EEFSEC: variants seen among roughly 807,000 people sequenced by gnomAD.
The protein encoded by EEFSEC is selenocysteine-specific elongation factor.
Under a neutral mutation model 42.1 loss-of-function variants are expected in EEFSEC, and 43 were observed. The ratio of observed to expected loss-of-function variants is 1.02; its 90% CI spans 0.80 to 1.32. EEFSEC has a LOEUF of 1.32. Among genes scored for constraint, EEFSEC ranks in the 40% most tolerant of loss-of-function variants. EEFSEC has a pLI of 0.00. For synonymous variants in EEFSEC, 354 were observed against 339.1 expected (o/e 1.04, Z -0.48); for missense variants, 745 against 803.6 (o/e 0.93, Z 0.88).
At chr3:128,378,444 C>T (rs1303946086) in intron 6 of EEFSEC, among the ~76,000 whole-genome samples, 1 of 152,134 alleles carries the variant, frequency 6.6e-6, no homozygotes, top group Admixed American at 6.5e-5. Context: ...CCGCCTGGGA[C>T]AGGAATCATG....
chr3:128,311,586 C>T (rs1225065434), intron 4 of EEFSEC, among the ~76,000 whole-genome samples: 4 of 152,220 alleles, frequency 2.6e-5, no homozygotes, highest in Non-Finnish European at 4.4e-5. Context: ...GCTTCAGGCC[C>T]ACGGAGCTAG....
intron 6 of EEFSEC, among the ~76,000 whole-genome samples, chr3:128,407,786 G>A (rs2068136142): frequency 6.6e-6 from 1 of 152,196 alleles, no homozygotes; most frequent in Admixed American, 6.5e-5. Context: ...CTTGGCATGA[G>A]TGCACTGGAA....
chr3:128,167,372 A>C (rs1016994645), intron 1 of EEFSEC, among the ~76,000 whole-genome samples: 6 of 152,200 alleles, frequency 3.9e-5, no homozygotes, highest in Non-Finnish European at 8.8e-5. Context: ...TATTTGGTGC[A>C]TGCATATCGG....
chr3:128,362,992 T>G (rs1355550297), intron 6 of EEFSEC, among the ~76,000 whole-genome samples: 4 of 152,182 alleles, frequency 2.6e-5, no homozygotes. Context: ...GAAAAAAAAT[T>G]TGTAGAACCA....
intron 4 of EEFSEC, among the ~76,000 whole-genome samples, chr3:128,306,426 AG>A (rs1260162927): frequency 6.6e-6 from 1 of 152,204 alleles, no homozygotes; most frequent in East Asian, 1.9e-4. Flanking sequence ...ATTAACCATT[AG>A]TGGCCCCTTT....
rs553214105 is a variant in EEFSEC, at chr3:128,366,014, A to G, written c.1600+7641A>G. 1.2e-4 allele frequency among the ~76,000 whole-genome samples: 19 copies of G among 152,344 alleles called. 1 individual carries two copies. Among genetic ancestry groups the G allele is most frequent in the Non-Finnish European group, 1.5e-5 (1 of 68,028 alleles). ...TGCACCTCTCTGTTGACCAGGCAAC[A>G]GATTGTCAGGGGCTCTCAGACCCAG... On this transcript the variant is annotated intron_variant, in intron 6 of 6. Coordinates refer to ENST00000254730, the MANE Select transcript of EEFSEC (RefSeq NM_021937.5).
chr3:128,346,159 A>G (rs2999025), intron 5 of EEFSEC, among the ~76,000 whole-genome samples: 5 of 152,222 alleles, frequency 3.3e-5, no homozygotes, highest in African/African-American at 1.2e-4. Context: ...GGCTTAACTC[A>G]TTAGTATTAC....
chr3:128,153,610 G>T lies in EEFSEC; in HGVS notation c.103G>T (p.Ala35Ser). 6.3e-7 allele frequency: 1 copy of T among 1,595,424 alleles called. No homozygotes were observed. ...GCTAAGCACCACAGCCTCCACCGCC[G>T]CCTTTGACAAGCAGCCGCAGAGCCG... ...RALSTTASTA[A>S]FDKQPQSRER... is the part of the protein sequence containing the mutation. The change falls in exon 1 of 7, where the codon GCC becomes TCC. Residue 35 changes from alanine (A) to serine (S), a missense_variant. Physicochemically the swap from Ala to Ser is moderately conservative, Grantham distance 99. Transcript: ENST00000254730.
rs143188042 is a variant in EEFSEC, at chr3:128,183,668, T to C, written c.316+29845T>C. On this transcript the variant is annotated intron_variant, in intron 1 of 6. Coordinates refer to ENST00000254730, the MANE Select transcript of EEFSEC (RefSeq NM_021937.5). ...CTTCTCATGGTATTGTGAGAACCGA[T>C]GCGTGCAGGGCACCCTACATACTAA... 2.6e-5 allele frequency among the ~76,000 whole-genome samples: 4 copies of C among 152,346 alleles called. No individual in the cohort carries two copies. In the East Asian group the frequency reaches 7.7e-4, roughly 29 times the overall value.
At chr3:128,311,029 T>C (rs192344641) in intron 4 of EEFSEC, among the ~76,000 whole-genome samples, 1 of 152,332 alleles carries the variant, frequency 6.6e-6, no homozygotes, top group Admixed American at 6.5e-5. Flanking sequence ...GGAAACAAAC[T>C]ACACAACAAT....
At chr3:128,407,140 G>A (rs1381206573) in intron 6 of EEFSEC, among the ~76,000 whole-genome samples, 1 of 152,222 alleles carries the variant, frequency 6.6e-6, no homozygotes, top group Non-Finnish European at 1.5e-5. Flanking sequence ...GAAGATGGAG[G>A]TGTTGGAGTG....
chr3:128,385,548 A>T (rs1362631132), intron 6 of EEFSEC, among the ~76,000 whole-genome samples: 1 of 152,246 alleles, frequency 6.6e-6, no homozygotes, highest in African/African-American at 2.4e-5. Flanking sequence ...GTCCTCCCAC[A>T]CACAGCTCAG....
chr3:128,155,028 A>C (rs1157459581), intron 1 of EEFSEC, among the ~76,000 whole-genome samples: 1 of 152,210 alleles, frequency 6.6e-6, no homozygotes, highest in Non-Finnish European at 1.5e-5. Context: ...ATCACAAATA[A>C]GACAAACATT....
At chr3:128,339,747 T>G (rs1435513656) in intron 4 of EEFSEC, among the ~76,000 whole-genome samples, 1 of 152,180 alleles carries the variant, frequency 6.6e-6, no homozygotes, top group Non-Finnish European at 1.5e-5. Context: ...GATAAAGACA[T>G]ACCCAAGACT....
intron 2 of EEFSEC, among the ~76,000 whole-genome samples, chr3:128,254,091 G>C (rs563256268): frequency 2.6e-5 from 4 of 152,366 alleles, no homozygotes; most frequent in African/African-American, 7.2e-5. Flanking sequence ...AGTTGGACAG[G>C]AGAGCCTGAG....
At chr3:128,273,806 G>A (rs959280200) in intron 4 of EEFSEC, among the ~76,000 whole-genome samples, 14 of 152,238 alleles carry the variant, frequency 9.2e-5, no homozygotes, top group Admixed American at 6.5e-5. Context: ...CCCAAGTGGT[G>A]TCTTCCTAAG....
chr3:128,371,173 A>G (rs188925977), intron 6 of EEFSEC, among the ~76,000 whole-genome samples: 9 of 152,228 alleles, frequency 5.9e-5, no homozygotes, highest in East Asian at 3.9e-4. Context: ...ATGGAATCCA[A>G]TTGAGGCCCT....
At chr3:128,311,932 G>A (rs764529973) in intron 4 of EEFSEC, among the ~76,000 whole-genome samples, 6 of 152,038 alleles carry the variant, frequency 3.9e-5, no homozygotes, top group African/African-American at 1.4e-4. Flanking sequence ...CCCTCTTCCC[G>A]CTTGACTCTG....
chr3:128,336,955 T>G (rs1422344768), intron 4 of EEFSEC: 1 of 152,186 alleles, frequency 6.6e-6, no homozygotes, highest in Non-Finnish European at 1.5e-5. Context: ...TGAGAGAATG[T>G]GCGTGCGCCA....
Sources: allele counts gnomAD v4.1 joint callset (sites outside exome capture counted in the v4.1 genomes callset), GRCh38; gene constraint gnomAD v4.1.1; transcripts MANE v1.5; gene names NCBI Gene and HGNC (gene_info 2026-07-23, HGNC 2026-07-21).